Variants in IFT74 observed in about 807,000 individuals in gnomAD.
IFT74 encodes intraflagellar transport 74, also known as intraflagellar transport protein 74 homolog.
Under a neutral mutation model 96.7 loss-of-function variants are expected in IFT74, and 92 were observed. The observed-to-expected ratio is 0.95, with a 90% CI of 0.80 to 1.13. The LOEUF (loss-of-function observed/expected upper bound fraction) is 1.13, where lower values mean the gene tolerates loss of function less well. Ranked by LOEUF, IFT74 falls within the 50% of genes most tolerant of loss-of-function variation. The pLI is 0.00. For synonymous variants in IFT74, 223 were observed against 213.2 expected, an observed-to-expected ratio of 1.05 and a Z score of -0.40; for missense variants, 811 against 698.2, an observed-to-expected ratio of 1.16 and a Z score of -1.82.
upstream of IFT74, among the ~76,000 whole-genome samples, chr9:26,954,926 C>A (rs904786696): frequency 6.6e-6 from 1 of 152,062 alleles, no homozygotes; most frequent in African/African-American, 2.4e-5. Flanking sequence ...TAAGGAAGCT[C>A]AGAGGCAAAT....
chr9:27,020,880 G>A (rs967324255), intron 12 of IFT74, among the ~76,000 whole-genome samples: 3 of 152,082 alleles, frequency 2.0e-5, no homozygotes, highest in Admixed American at 6.6e-5. Flanking sequence ...CAACCAAGCA[G>A]TGTCCACTCT....
At chr9:26,970,689 C>G (rs1291210642) in intron 2 of IFT74, among the ~76,000 whole-genome samples, 1 of 152,170 alleles carries the variant, frequency 6.6e-6, no homozygotes, top group African/African-American at 2.4e-5. Context: ...TCGGGTTAAC[C>G]CTTAACTCAT....
Position 27,047,663 on chromosome 9 carries a change from T to C in IFT74, c.1206+292T>C, listed in dbSNP as rs192427184. On this transcript the variant is annotated intron_variant, in intron 15 of 19. Transcript: ENST00000380062. ...TTATGATCTTCTTCCATTGTTAATC[T>C]ATCTGAACTTTTGAAAGTAACATTT... 3.8e-3 allele frequency among the ~76,000 whole-genome samples: 578 copies of C among 152,348 alleles called. 5 individuals carry two copies. The highest frequency in any genetic ancestry group is 0.013 in the African/African-American group (552 of 41,584).
chr9:26,968,741 T>A (rs991381367), intron 2 of IFT74, among the ~76,000 whole-genome samples: 2 of 152,218 alleles, frequency 1.3e-5, no homozygotes, highest in Non-Finnish European at 2.9e-5. Flanking sequence ...TTTGAGTTTC[T>A]GTTATCAGTT....
intron 1 of IFT74, among the ~76,000 whole-genome samples, chr9:26,956,998 C>T (rs1374695746): frequency 6.6e-6 from 1 of 152,214 alleles, no homozygotes; most frequent in Non-Finnish European, 1.5e-5. Flanking sequence ...GTAGATGTCA[C>T]CCTTCTGTTT....
chr9:27,052,898 TG>T (rs762637919), intron 16 of IFT74, among the ~76,000 whole-genome samples: 31 of 152,250 alleles, frequency 2.0e-4, no homozygotes, highest in Non-Finnish European at 3.7e-4. Flanking sequence ...GGAGTCTCAC[TG>T]TCGCCCAGGC....
intron 2 of IFT74, chr9:26,976,833 G>A (rs1827150530): frequency 1.3e-5 from 6 of 453,434 alleles, no homozygotes; most frequent in South Asian, 9.4e-5. Flanking sequence ...CTTTCCTGAG[G>A]TCGTATAGTG....
chr9:27,028,162 A>G (rs1428654040), intron 12 of IFT74, among the ~76,000 whole-genome samples: 2 of 152,180 alleles, frequency 1.3e-5, no homozygotes. Context: ...ATATATGTCT[A>G]TCCCTATGCC....
intron 4 of IFT74, among the ~76,000 whole-genome samples, chr9:26,980,897 C>T (rs1827345928): frequency 6.6e-6 from 1 of 152,120 alleles, no homozygotes; most frequent in Non-Finnish European, 1.5e-5. Flanking sequence ...GTTTGTGCTG[C>T]TATAATAAAA....
intron 19 of IFT74, among the ~76,000 whole-genome samples, chr9:27,061,717 A>G (rs998177215): frequency 6.7e-6 from 1 of 148,662 alleles, no homozygotes; most frequent in Non-Finnish European, 1.5e-5. Flanking sequence ...TATAATATAT[A>G]GTTGTTTGTT....
chr9:26,966,422 TC>T (rs1826617457), intron 2 of IFT74, among the ~76,000 whole-genome samples: 1 of 152,122 alleles, frequency 6.6e-6, no homozygotes, highest in African/African-American at 2.4e-5. Context: ...TCTCTGATGA[TC>T]AGTGATGTTG....
chr9:27,034,136 A>G (rs1830251620), intron 13 of IFT74, among the ~76,000 whole-genome samples: 1 of 152,224 alleles, frequency 6.6e-6, no homozygotes, highest in Admixed American at 6.5e-5. Context: ...ATTATTACTC[A>G]CCAAAAATGA....
chr9:26,949,556 T>A (rs1587212696), intron 1 of IFT74, among the ~76,000 whole-genome samples: 1 of 152,156 alleles, frequency 6.6e-6, no homozygotes, highest in African/African-American at 2.4e-5. Context: ...GGGAAATGTG[T>A]AATTTCACAT....
chr9:26,977,608 C>T (rs1458870619), intron 2 of IFT74, among the ~76,000 whole-genome samples: 1 of 152,136 alleles, frequency 6.6e-6, no homozygotes, highest in Non-Finnish European at 1.5e-5. Flanking sequence ...CATGGCTTAG[C>T]CTCTCAAGTA....
At position 27,061,862 on chromosome 9, in the gene IFT74, TA is replaced by T. The variant is rs564359792; in HGVS notation, c.1685-755del. Among the ~76,000 whole-genome samples the T allele has an allele frequency of 2.1e-4, 32 of 152,280 alleles. No individual in the cohort carries two copies. In the East Asian group the frequency reaches 6.0e-3, roughly 28 times the overall value. ...ATTATATGTCTACAAAGATGATACT[TA>T]TGTCTCATCTTATTGTTTACTTTTA... is the stretch of plus-strand genomic sequence containing the variant. On this transcript the variant is annotated intron_variant, in intron 19 of 19. Coordinates refer to ENST00000380062, the MANE Select transcript of IFT74 (RefSeq NM_025103.4).
intron 16 of IFT74, among the ~76,000 whole-genome samples, chr9:27,051,557 T>C (rs1055734038): frequency 6.6e-6 from 1 of 152,208 alleles, no homozygotes; most frequent in Admixed American, 6.5e-5. Context: ...AAAAACACTT[T>C]ACCTCCTGAA....
At chr9:27,045,573 TA>T (rs1242765188) in intron 14 of IFT74, among the ~76,000 whole-genome samples, 2 of 152,062 alleles carry the variant, frequency 1.3e-5, no homozygotes, top group African/African-American at 2.4e-5. Context: ...TTGATTCACT[TA>T]AAAAAAATCT....
At chr9:27,002,018 G>T (rs536100399) in intron 8 of IFT74, among the ~76,000 whole-genome samples, 7 of 152,104 alleles carry the variant, frequency 4.6e-5, no homozygotes, top group Non-Finnish European at 7.4e-5. Context: ...CGTCTGGGGG[G>T]TCCTCAGGAA....
intron 12 of IFT74, among the ~76,000 whole-genome samples, chr9:27,023,125 C>G (rs921509463): frequency 3.3e-5 from 5 of 152,148 alleles, no homozygotes; most frequent in Non-Finnish European, 5.9e-5. Flanking sequence ...TTGACTTCCT[C>G]TTTACTGATG....
Sources: allele counts gnomAD v4.1 joint callset (sites outside exome capture counted in the v4.1 genomes callset), GRCh38; gene constraint gnomAD v4.1.1; transcripts MANE v1.5; gene names NCBI Gene and HGNC (gene_info 2026-07-23, HGNC 2026-07-21).